Variants in CNIH3 observed in about 807,000 individuals in gnomAD.
CNIH3 encodes cornichon family AMPA receptor auxiliary protein 3.
CNIH3 carries 14 observed loss-of-function variants against 24.1 expected under a neutral mutation model. The ratio of observed to expected loss-of-function variants is 0.58; its 90% CI spans 0.38 to 0.91. The LOEUF (loss-of-function observed/expected upper bound fraction) is 0.91, where lower values mean the gene tolerates loss of function less well. Ranked by LOEUF, CNIH3 falls within the 40% of genes least tolerant of loss-of-function variation. The pLI, the probability that CNIH3 is intolerant of heterozygous loss-of-function variation, is 0.00. For synonymous variants in CNIH3, 68 were observed against 73.8 expected (o/e 0.92, Z 0.40); for missense variants, 178 against 196.8 (o/e 0.90, Z 0.57).
At chr1:224,706,393 C>T (rs1369846) in intron 3 of CNIH3, among the ~76,000 whole-genome samples, 76,328 of 151,900 alleles carry the variant, frequency 0.5, 20,059 homozygotes, top group Middle Eastern at 0.66. Context: ...ATAGCATCCT[C>T]GCCTGTTCCG....
At chr1:224,727,507 T>G (rs61456610) in intron 3 of CNIH3, among the ~76,000 whole-genome samples, 3,404 of 152,260 alleles carry the variant, frequency 0.022, 126 homozygotes, top group African/African-American at 0.077. Context: ...TGGCCTTCTC[T>G]CCACATCACT....
At chr1:224,702,800 C>T (rs555686385) in intron 3 of CNIH3, among the ~76,000 whole-genome samples, 2 of 152,310 alleles carry the variant, frequency 1.3e-5, no homozygotes, top group Non-Finnish European at 2.9e-5. Flanking sequence ...CTACTAGAGA[C>T]CTTGCAGACA....
chr1:224,563,079 A>G (rs1827124), intron 3 of CNIH3, among the ~76,000 whole-genome samples: 6 of 152,230 alleles, frequency 3.9e-5, no homozygotes, highest in Admixed American at 3.9e-4. Flanking sequence ...GGTTTTACAT[A>G]ATATAGGATA....
chr1:224,663,988 C>T (rs1115066), intron 1 of CNIH3, among the ~76,000 whole-genome samples: 5 of 152,208 alleles, frequency 3.3e-5, no homozygotes, highest in African/African-American at 1.2e-4. Context: ...CTGTTGCTTG[C>T]TGCACAGAAA....
intron 2 of CNIH3, among the ~76,000 whole-genome samples, chr1:224,526,912 C>A (rs1678868983): frequency 6.6e-6 from 1 of 152,130 alleles, no homozygotes; most frequent in Non-Finnish European, 1.5e-5. Context: ...GGGGGCCACA[C>A]ACTTCTAAAC....
chr1:224,669,575 T>C (rs1685762567), intron 1 of CNIH3, among the ~76,000 whole-genome samples: 1 of 152,170 alleles, frequency 6.6e-6, no homozygotes, highest in South Asian at 2.1e-4. Context: ...TTCTCCTGAT[T>C]CAGAGGGTGT....
chr1:224,693,240 C>T (rs1687013567), intron 3 of CNIH3, among the ~76,000 whole-genome samples: 1 of 152,174 alleles, frequency 6.6e-6, no homozygotes, highest in South Asian at 2.1e-4. Flanking sequence ...GACTTGTCCT[C>T]ACTTCACTCC....
At chr1:224,591,417 T>G (rs1042503551), downstream of CNIH3, among the ~76,000 whole-genome samples, 1 of 152,210 alleles carries the variant, frequency 6.6e-6, no homozygotes, top group East Asian at 1.9e-4. Context: ...AACTTCTCTA[T>G]GTACCTCTGG....
intron 1 of CNIH3, among the ~76,000 whole-genome samples, chr1:224,509,998 T>C (rs1399295662): frequency 6.6e-6 from 1 of 152,248 alleles, no homozygotes; most frequent in Non-Finnish European, 1.5e-5. Flanking sequence ...CTTTGGCTGC[T>C]GGTTTCTGGG....
At chr1:224,688,439 T>C (rs1477977700) in intron 3 of CNIH3, among the ~76,000 whole-genome samples, 3 of 152,180 alleles carry the variant, frequency 2.0e-5, no homozygotes, top group African/African-American at 7.2e-5. Flanking sequence ...TTCACTGTCA[T>C]GGGCTGTGAC....
intron 3 of CNIH3, among the ~76,000 whole-genome samples, chr1:224,557,969 TTG>T (rs1404094860): frequency 6.6e-6 from 1 of 152,208 alleles, no homozygotes; most frequent in Non-Finnish European, 1.5e-5. Flanking sequence ...GTTAATTGAC[TTG>T]TTCGTGGTCT....
chr1:224,649,814 T>C (rs969393511), intron 1 of CNIH3, among the ~76,000 whole-genome samples: 2 of 152,228 alleles, frequency 1.3e-5, no homozygotes, highest in African/African-American at 2.4e-5. Flanking sequence ...GCTTTGCATC[T>C]AGCTTGCTCT....
intron 1 of CNIH3, among the ~76,000 whole-genome samples, chr1:224,634,167 C>T (rs1362446710): frequency 2.0e-5 from 3 of 152,188 alleles, no homozygotes; most frequent in Non-Finnish European, 2.9e-5. Context: ...AGCATGCTTC[C>T]GTGGCACGTG....
intron 2 of CNIH3, among the ~76,000 whole-genome samples, chr1:224,521,813 C>T (rs1016481709): frequency 2.6e-5 from 4 of 152,134 alleles, no homozygotes; most frequent in Non-Finnish European, 5.9e-5. Context: ...GATTCAGTTA[C>T]ATGACATAAT....
rs958155303 is a variant in CNIH3 at position 224,740,034 on chromosome 1, C to G, written c.*678C>G. On this transcript the variant is annotated 3_prime_UTR_variant, in exon 6 of 6. Coordinates refer to ENST00000272133, the MANE Select transcript of CNIH3 (RefSeq NM_152495.2). The stretch of plus-strand genomic sequence containing the variant: ...ATCAAGGTGTTAGTTCTCCACCACA[C>G]AAGTTGTATTCTTCTTTTGCCACCT... The G allele has an allele frequency of 6.6e-6, 1 of 152,228 alleles. No individual in the cohort carries two copies. Among genetic ancestry groups the G allele is most frequent in the African/African-American group, 2.4e-5 (1 of 41,438 alleles). 9.4% of individuals were successfully genotyped at this position (152,228 alleles called of 1,614,324 possible).
rs560635135 is a variant in CNIH3 at position 224,484,041 on chromosome 1, C to T, written n.204-31700C>T. ...CAAAAATTAGCCGGGTGTGGTGGCG[C>T]GTGCCTGTAATCCCAGCTACTCTGG... is the stretch of plus-strand genomic sequence containing the variant. On this transcript the variant is annotated intron_variant and non_coding_transcript_variant, in intron 1 of 5. Transcript: ENST00000471578. 5.9e-5 allele frequency among the ~76,000 whole-genome samples: 9 copies of T among 151,808 alleles called. No homozygotes were observed. In the South Asian group the frequency reaches 1.0e-3, roughly 18 times the overall value.
At chr1:224,645,642 C>CGGAA (rs1226429362) in intron 1 of CNIH3, among the ~76,000 whole-genome samples, 16 of 152,214 alleles carry the variant, frequency 1.1e-4, no homozygotes, top group African/African-American at 3.6e-4. Context: ...AGGCTCAGCC[C>CGGAA]GGAAGGCTGT....
chr1:224,641,608 C>T (rs946901925), intron 1 of CNIH3, among the ~76,000 whole-genome samples: 4 of 152,228 alleles, frequency 2.6e-5, no homozygotes, highest in Non-Finnish European at 4.4e-5. Context: ...GAGTGGACGA[C>T]GTTGCTAAGA....
intron 1 of CNIH3, among the ~76,000 whole-genome samples, chr1:224,662,192 A>G (rs1414358654): frequency 6.6e-6 from 1 of 152,230 alleles, no homozygotes; most frequent in Non-Finnish European, 1.5e-5. Context: ...AAATAATTTC[A>G]AGATTTTAAA....
Sources: allele counts gnomAD v4.1 joint callset (sites outside exome capture counted in the v4.1 genomes callset), GRCh38; gene constraint gnomAD v4.1.1; transcripts MANE v1.5; gene names NCBI Gene and HGNC (gene_info 2026-07-23, HGNC 2026-07-21).